UBL7: variants seen among roughly 807,000 people sequenced by gnomAD.
UBL7 encodes ubiquitin-like protein 7.
Under a neutral mutation model 41.7 loss-of-function variants are expected in UBL7, and 21 were observed. That is an observed-to-expected ratio of 0.50 (90% CI 0.36 to 0.73). UBL7 has a LOEUF of 0.73. UBL7 is among the 30% of genes least tolerant of loss of function. The probability of loss-of-function intolerance (pLI) is 0.00; values close to 1 mark genes in which losing one functional copy is unlikely to be tolerated. For missense variants in UBL7, 403 were observed against 478.4 expected (o/e 0.84, Z 1.47); for synonymous variants, 157 against 186.9 (o/e 0.84, Z 1.31).
At chr15:74,448,669 G>A in intron 9 of UBL7, 69 bp from the exon 10 acceptor site, 1 of 1,595,498 alleles carries the variant, frequency 6.3e-7, no homozygotes, top group East Asian at 2.2e-5. Context: ...GCTCGCTGTT[G>A]TCATATCACC....
chr15:74,455,061 A>T (rs8037211), intron 3 of UBL7, among the ~76,000 whole-genome samples: 40,817 of 152,082 alleles, frequency 0.27, 7,527 homozygotes, highest in East Asian at 0.54. Flanking sequence ...ATTGTTCATG[A>T]TCCCCAAAAG....
At chr15:74,457,491 C>G (rs2061305536) in intron 2 of UBL7, among the ~76,000 whole-genome samples, 1 of 151,722 alleles carries the variant, frequency 6.6e-6, no homozygotes, top group African/African-American at 2.4e-5. Context: ...TGCAGTGAGC[C>G]AAGATCACAC....
intron 2 of UBL7, among the ~76,000 whole-genome samples, 179 bp from the exon 3 acceptor site, chr15:74,456,850 C>T (rs2061299954): frequency 6.6e-6 from 1 of 151,884 alleles, no homozygotes. Flanking sequence ...TACTCTGTTG[C>T]CCAGGCTTGA....
chr15:74,446,557 C>T lies in UBL7; in HGVS notation c.1006-330G>A, dbSNP rs1408873584. On this transcript the variant is annotated intron_variant, in intron 10 of 10. Transcript: ENST00000395081. The surrounding 1 kb of genome is among the most constrained non-coding windows in gnomAD (Gnocchi z 4.1). ...ACACACACAACAGCAAGATTTTGCT[C>T]TTTATGTGATGAGTGTTACAGATTT... Among the ~76,000 whole-genome samples, 2 of 152,210 alleles carry T rather than the reference C, an allele frequency of 1.3e-5. No individual in the cohort carries two copies. Among genetic ancestry groups the T allele is most frequent in the Non-Finnish European group, 2.9e-5 (2 of 68,046 alleles).
At chr15:74,460,708 G>C in intron 1 of UBL7, 2 of 1,289,342 alleles carry the variant, frequency 1.6e-6, no homozygotes, top group Non-Finnish European at 2.0e-6. Flanking sequence ...CAGAAACTCT[G>C]ACGGCGGAAG....
chr15:74,459,825 C>T (rs532856323), intron 1 of UBL7, among the ~76,000 whole-genome samples: 1 of 143,008 alleles, frequency 7.0e-6, no homozygotes, highest in South Asian at 2.3e-4. Flanking sequence ...ATTAGCTGGG[C>T]GTGGTAGTGC....
chr15:74,450,770 A>C, intron 6 of UBL7, 32 bp downstream of exon 6: 4 of 1,610,670 alleles, frequency 2.5e-6, no homozygotes, highest in Non-Finnish European at 3.4e-6. Flanking sequence ...GAGGAGAGAG[A>C]AGGTACCCTC....
chr15:74,448,670 T>C, intron 9 of UBL7, 70 bp from the exon 10 acceptor site: 14 of 1,591,996 alleles, frequency 8.8e-6, no homozygotes, highest in Non-Finnish European at 1.1e-5. Context: ...CTCGCTGTTG[T>C]CATATCACCT....
intron 3 of UBL7, among the ~76,000 whole-genome samples, chr15:74,454,403 C>CTT (rs34947984): frequency 6.8e-6 from 1 of 146,672 alleles, no homozygotes; most frequent in Non-Finnish European, 1.5e-5. Flanking sequence ...TTAGAAAGGA[C>CTT]TTTTTTTTTT....
At chr15:74,452,891 T>C (rs1163395738) in intron 3 of UBL7, among the ~76,000 whole-genome samples, 1 of 152,182 alleles carries the variant, frequency 6.6e-6, no homozygotes, top group Admixed American at 6.5e-5. Flanking sequence ...TTTGTATTTT[T>C]AGTTGAGATG....
intron 3 of UBL7, among the ~76,000 whole-genome samples, chr15:74,453,076 T>C (rs947749454): frequency 2.1e-4 from 32 of 152,186 alleles, no homozygotes; most frequent in Admixed American, 6.5e-5. Flanking sequence ...CTGTACTGAC[T>C]GTGTACTGCC....
rs553531825 is a variant in UBL7 at position 74,450,076 on chromosome 15, T to C, written c.531-7A>G. 1.8e-4 allele frequency: 297 copies of C among 1,610,200 alleles called. 1 individual carries two copies. In the South Asian group the frequency reaches 2.8e-3, roughly 15 times the overall value. On this transcript the variant is annotated splice_region_variant and splice_polypyrimidine_tract_variant and intron_variant, in intron 6 of 10. Coordinates refer to ENST00000395081, the MANE Select transcript of UBL7 (RefSeq NM_032907.5). ...TGGGTGAGCAGGCACCAACCTAGGA[T>C]AGAAGCAGGAAGAAACCCAAGGGTG...
chr15:74,452,204 A>C, intron 4 of UBL7, 92 bp downstream of exon 4: 5 of 1,366,478 alleles, frequency 3.7e-6, no homozygotes, highest in Non-Finnish European at 5.0e-6. Context: ...TTGCCATGGC[A>C]ACGGGCTTCC....
Position 74,452,339 on chromosome 15 carries a change from AC to A in UBL7, c.343del (p.Val115CysfsTer82). 1 of 1,560,556 alleles carries A rather than the reference AC, an allele frequency of 6.4e-7. No individual in the cohort carries two copies. On this transcript the variant is annotated frameshift_variant, in exon 4 of 11. Coordinates refer to ENST00000395081, the MANE Select transcript of UBL7 (RefSeq NM_032907.5). LOFTEE classifies it high-confidence loss of function. ...GCTGCTGTGCAGGGCAGTGTGCAAC[AC>A]CCGGAACTCTCTCATGGCAGCCACT... Reference protein sequence around the residue: ...DKVAAMREFRVLHTALHSSSS... With the variant: ...DKVAAMREFRXLHTALHSSSS...
chr15:74,460,995 C>T lies in UBL7; in HGVS notation c.-30+42G>A, dbSNP rs1046859651. ...AAATCACTGGCCCAAGGTCACAGAT[C>T]GCTAGTAATGGGGCAGGAACACTAT... On this transcript the variant is annotated intron_variant, in intron 1 of 10. Coordinates refer to ENST00000395081, the MANE Select transcript of UBL7 (RefSeq NM_032907.5). 8 of 1,103,244 alleles carry T rather than the reference C, an allele frequency of 7.3e-6. No individual in the cohort carries two copies. The South Asian group carries it at 1.7e-4, about 23-fold the overall frequency. The allele number at this position is 1,103,244 out of a possible 1,614,324, so 68.3% of individuals were successfully genotyped here.
chr15:74,457,271 C>T (rs1012931893), intron 2 of UBL7, among the ~76,000 whole-genome samples: 2 of 152,048 alleles, frequency 1.3e-5, no homozygotes, highest in African/African-American at 4.8e-5. Flanking sequence ...GGGCCGGGCA[C>T]GGTGGCTCAC....
chr15:74,456,723 G>C, intron 2 of UBL7, 52 bp from the exon 3 acceptor site: 1 of 1,584,596 alleles, frequency 6.3e-7, no homozygotes, highest in Admixed American at 1.7e-5. Context: ...AAATTTACAT[G>C]GTTTTTGTCC....
intron 6 of UBL7, among the ~76,000 whole-genome samples, 186 bp downstream of exon 6, chr15:74,450,616 C>T (rs545190622): frequency 1.1e-4 from 16 of 152,314 alleles, no homozygotes; most frequent in African/African-American, 3.8e-4. Context: ...CCTGCTTCCT[C>T]CCAGCACTCT....
At position 74,458,614 on chromosome 15, in the gene UBL7, G is replaced by A; in HGVS notation, c.184+70C>T. On this transcript the variant is annotated intron_variant, in intron 2 of 10. Transcript: ENST00000395081. ...AATCCCAAGCCCTTACTTTACTCTT[G>A]TAATTCCAGAAGTATCCTCCCCCAA... 6.5e-6 allele frequency: 9 copies of A among 1,382,340 alleles called. No homozygotes were observed. The South Asian group carries it at 1.1e-4, about 17-fold the overall frequency. The allele number at this position is 1,382,340 out of a possible 1,614,324, so 85.6% of individuals were successfully genotyped here.
Sources: gnomAD v4.1 joint callset for allele counts (sites outside exome capture counted in the v4.1 genomes callset) on GRCh38, gnomAD v4.1.1 for gene constraint, Gnocchi (gnomAD v3.1) non-coding constraint, MANE v1.5 for transcripts, NCBI Gene and HGNC (gene_info 2026-07-23, HGNC 2026-07-21) for gene names.